The following GDAP2 variants were observed in gnomAD, a reference collection of about 807,000 sequenced individuals.
The protein encoded by GDAP2 is ganglioside-induced differentiation-associated protein 2.
Under a neutral mutation model 67.0 loss-of-function variants are expected in GDAP2, and 51 were observed. That is an observed-to-expected ratio of 0.76 (90% CI 0.61 to 0.96). GDAP2 has a LOEUF of 0.96. Ranked by LOEUF, GDAP2 falls within the 40% of genes least tolerant of loss-of-function variation. The pLI is 0.00. For synonymous variants in GDAP2, 203 were observed against 207.3 expected (o/e 0.98, Z 0.18); for missense variants, 547 against 588.3 (o/e 0.93, Z 0.73).
chr1:117,875,548 G>T (rs1648428492), intron 13 of GDAP2, among the ~76,000 whole-genome samples: 1 of 152,168 alleles, frequency 6.6e-6, no homozygotes. Flanking sequence ...GTGGGGTTGG[G>T]TTGCTCCCGT....
At chr1:117,891,738 T>C (rs933691923) in intron 8 of GDAP2, among the ~76,000 whole-genome samples, 3 of 152,038 alleles carry the variant, frequency 2.0e-5, no homozygotes, top group Non-Finnish European at 2.9e-5. Flanking sequence ...AATTTTAATA[T>C]AGTCAAAACT....
chr1:117,918,390 T>C lies in GDAP2; in HGVS notation c.316+207A>G, dbSNP rs552767157. Among the ~76,000 whole-genome samples the C allele has an allele frequency of 6.6e-5, 10 of 152,358 alleles. No homozygotes were observed. In the South Asian group the frequency reaches 1.9e-3, roughly 28 times the overall value. On this transcript the variant is annotated intron_variant, in intron 3 of 13. Coordinates refer to ENST00000369443, the MANE Select transcript of GDAP2 (RefSeq NM_017686.4). ...CAGGACAAAGAAGTTTTACTGGTAG[T>C]AAATTCTCAGGACTCAGTTTTTAAC...
At chr1:117,874,482 C>T (rs915341325) in intron 13 of GDAP2, among the ~76,000 whole-genome samples, 2 of 152,176 alleles carry the variant, frequency 1.3e-5, no homozygotes, top group Non-Finnish European at 2.9e-5. Flanking sequence ...CTTGTACAGC[C>T]TGCAGAAATG....
At chr1:117,888,768 G>C (rs756029209) in intron 8 of GDAP2, among the ~76,000 whole-genome samples, 1 of 151,888 alleles carries the variant, frequency 6.6e-6, no homozygotes, top group African/African-American at 2.4e-5. Flanking sequence ...TACTGCTTTC[G>C]GTGCAAACTT....
At chr1:117,905,788 C>G (rs1483572263) in intron 6 of GDAP2, among the ~76,000 whole-genome samples, 1 of 151,898 alleles carries the variant, frequency 6.6e-6, no homozygotes, top group Non-Finnish European at 1.5e-5. Flanking sequence ...TCAGCAAATT[C>G]AAAAGTACAT....
intron 12 of GDAP2, among the ~76,000 whole-genome samples, chr1:117,879,534 T>C (rs560675227): frequency 6.6e-6 from 1 of 152,302 alleles, no homozygotes; most frequent in South Asian, 2.1e-4. Flanking sequence ...TACTGAGCAC[T>C]TATTATACGT....
chr1:117,896,669 G>A (rs1406865170), intron 8 of GDAP2, 164 bp downstream of exon 8: 1 of 469,260 alleles, frequency 2.1e-6, no homozygotes, highest in Non-Finnish European at 3.7e-6. Flanking sequence ...TCTTAACTTT[G>A]AGTTTTTGCA....
intron 5 of GDAP2, among the ~76,000 whole-genome samples, chr1:117,906,812 T>C (rs916411327): frequency 3.9e-5 from 6 of 152,198 alleles, no homozygotes; most frequent in African/African-American, 1.4e-4. Context: ...TACTTGTGTA[T>C]TGTTATCCTC....
At chr1:117,917,346 T>C (rs531548359) in intron 3 of GDAP2, among the ~76,000 whole-genome samples, 79 of 152,322 alleles carry the variant, frequency 5.2e-4, no homozygotes, top group Non-Finnish European at 1.1e-3. Flanking sequence ...TGCAGCCCTT[T>C]AGTAATAACC....
At chr1:117,894,525 T>G (rs879803183) in intron 8 of GDAP2, among the ~76,000 whole-genome samples, 2 of 152,210 alleles carry the variant, frequency 1.3e-5, no homozygotes, top group Non-Finnish European at 2.9e-5. Flanking sequence ...GAAGTAAAGA[T>G]TATTAATTTT....
chr1:117,878,992 T>G (rs575007504), intron 12 of GDAP2, among the ~76,000 whole-genome samples: 10 of 152,130 alleles, frequency 6.6e-5, no homozygotes, highest in African/African-American at 2.4e-4. Flanking sequence ...AAAAGGACCA[T>G]TATAGTAAAT....
intron 13 of GDAP2, 97 bp from the exon 14 acceptor site, chr1:117,870,713 T>A: frequency 1.2e-6 from 1 of 842,980 alleles, no homozygotes; most frequent in Non-Finnish European, 2.1e-6. Context: ...GGTAGTGATA[T>A]AAAATGTCTA....
intron 2 of GDAP2, among the ~76,000 whole-genome samples, chr1:117,919,411 A>G (rs752420317): frequency 6.6e-6 from 1 of 152,160 alleles, no homozygotes; most frequent in Non-Finnish European, 1.5e-5. Flanking sequence ...TTGTACTATA[A>G]TATAGATGAA....
At chr1:117,928,285 A>T (rs1650531560) in intron 1 of GDAP2, among the ~76,000 whole-genome samples, 1 of 152,248 alleles carries the variant, frequency 6.6e-6, no homozygotes, top group African/African-American at 2.4e-5. Context: ...TGTCTTGACA[A>T]TAATTATTTA....
At chr1:117,875,337 G>A (rs1648420739) in intron 13 of GDAP2, among the ~76,000 whole-genome samples, 1 of 152,230 alleles carries the variant, frequency 6.6e-6, no homozygotes, top group Non-Finnish European at 1.5e-5. Flanking sequence ...AACAGCTCTG[G>A]AGGGTGCAAG....
chr1:117,918,280 C>G (rs934849129), intron 3 of GDAP2, among the ~76,000 whole-genome samples: 1 of 152,154 alleles, frequency 6.6e-6, no homozygotes, highest in African/African-American at 2.4e-5. Context: ...CAAAGCTTTT[C>G]TTGCATGTTT....
chr1:117,928,230 G>A (rs1650529219), intron 1 of GDAP2, among the ~76,000 whole-genome samples: 1 of 152,188 alleles, frequency 6.6e-6, no homozygotes, highest in Admixed American at 6.5e-5. Flanking sequence ...AAATAAATGT[G>A]CAAAAGGAGG....
chr1:117,905,023 G>A (rs112511691), intron 6 of GDAP2, among the ~76,000 whole-genome samples: 2 of 152,122 alleles, frequency 1.3e-5, no homozygotes, highest in African/African-American at 2.4e-5. Flanking sequence ...TCCTTTTCCC[G>A]TATGTATTTA....
intron 1 of GDAP2, among the ~76,000 whole-genome samples, chr1:117,922,532 C>G (rs1021295030): frequency 6.6e-6 from 1 of 152,010 alleles, no homozygotes; most frequent in Non-Finnish European, 1.5e-5. Flanking sequence ...AAGTGTTGGC[C>G]GGTCTGAGAA....
Sources: gnomAD v4.1 joint callset for allele counts (sites outside exome capture counted in the v4.1 genomes callset) on GRCh38, gnomAD v4.1.1 for gene constraint, MANE v1.5 for transcripts, NCBI Gene and HGNC (gene_info 2026-07-23, HGNC 2026-07-21) for gene names.